GLG1: variants seen among roughly 807,000 people sequenced by gnomAD.
GLG1 encodes golgi glycoprotein 1, also known as Golgi apparatus protein 1.
In GLG1, 38 loss-of-function variants were observed where a neutral mutation model predicts 160.5. The ratio of observed to expected loss-of-function variants is 0.24; its 90% confidence interval spans 0.18 to 0.31. The LOEUF is 0.31. Ranked by LOEUF, GLG1 falls within the 10% of genes least tolerant of loss-of-function variation. The pLI, the probability that GLG1 is intolerant of heterozygous loss-of-function variation, is 1.00. For synonymous variants in GLG1, 644 were observed against 543.4 expected (o/e 1.19, Z -2.57); for missense variants, 1,373 against 1,505.2 (o/e 0.91, Z 1.45).
intron 2 of GLG1, among the ~76,000 whole-genome samples, chr16:74,523,504 A>G (rs2143567129): frequency 6.6e-6 from 1 of 152,282 alleles, no homozygotes; most frequent in Middle Eastern, 3.4e-3. Flanking sequence ...ATTGCACAGA[A>G]TCTATAGTCA....
chr16:74,593,733 C>G (rs1384095457), intron 1 of GLG1, among the ~76,000 whole-genome samples: 1 of 151,744 alleles, frequency 6.6e-6, no homozygotes, highest in Non-Finnish European at 1.5e-5. Flanking sequence ...CCACACCTGG[C>G]CAGGTACCAG....
intron 25 of GLG1, among the ~76,000 whole-genome samples, chr16:74,453,811 G>A (rs770798427): frequency 5.9e-5 from 9 of 151,808 alleles, no homozygotes; most frequent in Non-Finnish European, 1.2e-4. Context: ...TGCGTTTGCT[G>A]CCTTTCTTTA....
intron 2 of GLG1, among the ~76,000 whole-genome samples, chr16:74,524,689 T>C (rs189166507): frequency 1.3e-5 from 2 of 152,334 alleles, no homozygotes; most frequent in African/African-American, 2.4e-5. Context: ...GAATTAATAT[T>C]TGAAGCTGTA....
chr16:74,483,928 G>C (rs964929737), intron 9 of GLG1, among the ~76,000 whole-genome samples: 1 of 151,992 alleles, frequency 6.6e-6, no homozygotes, highest in Non-Finnish European at 1.5e-5. Context: ...CAAAGTGCTG[G>C]GATTACAGGC....
rs927029403 is a variant in GLG1 at position 74,471,289 on chromosome 16, G to T, written c.2116-3C>A. The stretch of plus-strand genomic sequence containing the variant: ...TCTATCTGGTTATCTGCCACATCCT[G>T]GGGAAGACAGCATGCATTTACACTT... On this transcript the variant is annotated splice_region_variant and splice_polypyrimidine_tract_variant and intron_variant, in intron 14 of 25. Coordinates refer to ENST00000422840, the MANE Select transcript of GLG1 (RefSeq NM_001145667.2). 13 of 1,488,782 alleles carry T rather than the reference G, an allele frequency of 8.7e-6. No individual in the cohort carries two copies. The highest frequency in any genetic ancestry group is 1.1e-5 in the South Asian group (1 of 88,296). The allele number at this position is 1,488,782 out of a possible 1,614,324, so 92.2% of individuals were successfully genotyped here.
At chr16:74,600,288 G>A (rs541444836) in intron 1 of GLG1, among the ~76,000 whole-genome samples, 2 of 152,052 alleles carry the variant, frequency 1.3e-5, no homozygotes, top group South Asian at 2.1e-4. Context: ...AGCTACTCGG[G>A]AGGCTGAAGT....
At chr16:74,521,731 A>C (rs572678498) in intron 2 of GLG1, among the ~76,000 whole-genome samples, 3 of 152,314 alleles carry the variant, frequency 2.0e-5, no homozygotes, top group Non-Finnish European at 4.4e-5. Flanking sequence ...CAATAACAAC[A>C]AATTGCCAGG....
chr16:74,463,191 T>C (rs1169521070), intron 20 of GLG1, 165 bp downstream of exon 20: 1 of 638,064 alleles, frequency 1.6e-6, no homozygotes, highest in East Asian at 2.8e-5. Flanking sequence ...TCTCCCTCCA[T>C]TTTTCTGGAT....
Position 74,452,244 on chromosome 16 carries a change from G to A in GLG1, c.*923C>T, listed in dbSNP as rs1298406913. ...CCACAGTCCTGCCTCCTGATGAAGC[G>A]CAGAGCTTCCAGAGTGACTGTAGCC... On this transcript the variant is annotated 3_prime_UTR_variant, in exon 26 of 26. Coordinates refer to ENST00000422840, the MANE Select transcript of GLG1 (RefSeq NM_001145667.2). 21 of 1,519,922 alleles carry A rather than the reference G, an allele frequency of 1.4e-5. No homozygotes were observed. The highest frequency in any genetic ancestry group is 2.8e-5 in the African/African-American group (2 of 72,680). The allele number at this position is 1,519,922 out of a possible 1,614,324, so 94.2% of individuals were successfully genotyped here. A position where few individuals can be genotyped will look rare whatever the true frequency, so the allele number is the denominator to read the frequency against.
chr16:74,515,164 C>A (rs932889116), intron 2 of GLG1, among the ~76,000 whole-genome samples: 1 of 152,118 alleles, frequency 6.6e-6, no homozygotes. Flanking sequence ...TAGAGACCTA[C>A]AAAGAGACTT....
rs776791714 is a variant in GLG1 at position 74,456,695 on chromosome 16, T to C, written c.3326A>G (p.Lys1109Arg). ...DKRVRLQPECKKRLNDRIEMW... is the reference protein window; with the variant it reads ...DKRVRLQPECRKRLNDRIEMW... ...CTCAATCCGGTCATTGAGGCGCTTT[T>C]TGCACTCGGGCTGTAACCTCACCCG... is the stretch of plus-strand genomic sequence containing the variant. The change falls in exon 25 of 26, where the codon AAA becomes AGA. Residue 1109 changes from lysine to arginine, a missense_variant. Physicochemically the swap from Lys to Arg is conservative, Grantham distance 26. Transcript: ENST00000422840. The C allele has an allele frequency of 1.2e-6, 2 of 1,610,540 alleles. No homozygotes were observed. The highest frequency in any genetic ancestry group is 2.2e-5 in the East Asian group (1 of 44,870).
At chr16:74,588,149 C>A (rs954919673) in intron 1 of GLG1, among the ~76,000 whole-genome samples, 2 of 151,898 alleles carry the variant, frequency 1.3e-5, no homozygotes, top group Non-Finnish European at 1.5e-5. Context: ...GGGACAATAG[C>A]AATCAATTTA....
At chr16:74,549,211 C>T (rs1355039971) in intron 1 of GLG1, among the ~76,000 whole-genome samples, 1 of 152,128 alleles carries the variant, frequency 6.6e-6, no homozygotes, top group East Asian at 1.9e-4. Flanking sequence ...AAGATATGAC[C>T]ACAGTATGCT....
At chr16:74,515,889 G>A (rs556030187) in intron 2 of GLG1, among the ~76,000 whole-genome samples, 3 of 142,998 alleles carry the variant, frequency 2.1e-5, no homozygotes, top group African/African-American at 5.4e-5. Flanking sequence ...AAAAGGCAGG[G>A]GTTGCAATCC....
At chr16:74,521,493 T>C (rs1056084367) in intron 2 of GLG1, among the ~76,000 whole-genome samples, 2 of 152,114 alleles carry the variant, frequency 1.3e-5, no homozygotes, top group East Asian at 1.9e-4. Context: ...AGAAGATTAC[T>C]AATGGATTGA....
intron 1 of GLG1, among the ~76,000 whole-genome samples, chr16:74,600,364 G>A (rs558018158): frequency 1.3e-5 from 2 of 149,190 alleles, no homozygotes; most frequent in South Asian, 2.1e-4. Flanking sequence ...CTGCACTCCA[G>A]CCAGCCTGGG....
At chr16:74,462,765 A>C (rs2014852411) in intron 20 of GLG1, 135 bp from the exon 21 acceptor site, 1 of 791,330 alleles carries the variant, frequency 1.3e-6, no homozygotes, top group Non-Finnish European at 2.1e-6. Flanking sequence ...TTCAATAAAC[A>C]TTTACTGAGC....
At chr16:74,562,248 T>C (rs2018532525) in intron 1 of GLG1, among the ~76,000 whole-genome samples, 1 of 152,220 alleles carries the variant, frequency 6.6e-6, no homozygotes, top group South Asian at 2.1e-4. Flanking sequence ...AATTGACTGG[T>C]TGCCTTGGTC....
At chr16:74,502,544 TTTTTTTTTG>T (rs1254547832) in intron 4 of GLG1, among the ~76,000 whole-genome samples, 4 of 151,710 alleles carry the variant, frequency 2.6e-5, no homozygotes, top group Non-Finnish European at 4.4e-5. Flanking sequence ...CTAAGTAATT[TTTTTTTTTG>T]TTTTTTTTGA....
Sources: allele counts gnomAD v4.1 joint callset (sites outside exome capture counted in the v4.1 genomes callset), GRCh38; gene constraint gnomAD v4.1.1; transcripts MANE v1.5; gene names NCBI Gene and HGNC (gene_info 2026-07-23, HGNC 2026-07-21).